Variants in SLC4A10 observed in about 807,000 individuals in gnomAD.
SLC4A10 encodes sodium-driven chloride bicarbonate exchanger.
In SLC4A10, 42 loss-of-function variants were observed where a neutral mutation model predicts 137.7. The observed-to-expected ratio is 0.30, with a 90% confidence interval of 0.24 to 0.39. SLC4A10 has a LOEUF of 0.39. Among genes scored for constraint, SLC4A10 ranks in the 10% least tolerant of loss-of-function variants. SLC4A10 has a pLI of 1.00. For synonymous variants in SLC4A10, 474 were observed against 464.1 expected (o/e 1.02, Z -0.27); for missense variants, 925 against 1,355.0 (o/e 0.68, Z 4.98).
At chr2:161,815,961 G>T (rs2057018964) in intron 3 of SLC4A10, among the ~76,000 whole-genome samples, 1 of 152,058 alleles carries the variant, frequency 6.6e-6, no homozygotes, top group Admixed American at 6.6e-5. Flanking sequence ...CAAATGTTTG[G>T]CACTTGGTGG....
At chr2:161,836,401 G>A (rs966538056) in intron 3 of SLC4A10, among the ~76,000 whole-genome samples, 1 of 152,022 alleles carries the variant, frequency 6.6e-6, no homozygotes, top group Non-Finnish European at 1.5e-5. Flanking sequence ...GGGAGGCTGA[G>A]GCAGGAGAAT....
At chr2:161,895,417 G>T (rs1187839235) in intron 11 of SLC4A10, among the ~76,000 whole-genome samples, 1 of 151,910 alleles carries the variant, frequency 6.6e-6, no homozygotes, top group Non-Finnish European at 1.5e-5. Context: ...TAGTCCTTTG[G>T]GTATATACCC....
At chr2:161,889,370 T>G (rs1311953404) in intron 10 of SLC4A10, among the ~76,000 whole-genome samples, 1 of 152,144 alleles carries the variant, frequency 6.6e-6, no homozygotes, top group Non-Finnish European at 1.5e-5. Flanking sequence ...CCAGCTCCTC[T>G]TTGTACCTCT....
chr2:161,834,886 G>A (rs2058666818), intron 3 of SLC4A10, among the ~76,000 whole-genome samples: 1 of 152,080 alleles, frequency 6.6e-6, no homozygotes. Context: ...ACTGAACTGA[G>A]AACCCCAAGG....
At chr2:161,932,544 G>C (rs1014243779) in intron 15 of SLC4A10, among the ~76,000 whole-genome samples, 13 of 152,108 alleles carry the variant, frequency 8.5e-5, no homozygotes, top group Non-Finnish European at 1.3e-4. Context: ...CATTAAGTAT[G>C]AAAGGTTATT....
chr2:161,760,877 T>C (rs563334167), intron 1 of SLC4A10, among the ~76,000 whole-genome samples: 2 of 151,948 alleles, frequency 1.3e-5, no homozygotes, highest in South Asian at 4.2e-4. Context: ...ATAAAGAGAA[T>C]GTGGTATATA....
intron 5 of SLC4A10, among the ~76,000 whole-genome samples, chr2:161,859,296 C>CT (rs1553597581): frequency 1.1e-3 from 163 of 142,652 alleles, no homozygotes; most frequent in African/African-American, 3.0e-3. Flanking sequence ...CTTTTCTTTT[C>CT]TTTTTTTTTT....
chr2:161,977,771 C>A lies in SLC4A10; in HGVS notation c.*26+11C>A. 6.3e-7 allele frequency: 1 copy of A among 1,580,358 alleles called. No individual in the cohort carries two copies. The highest frequency in any genetic ancestry group is 1.2e-5 in the South Asian group (1 of 83,808). Reference sequence around the variant, plus strand: ...GCTGATTCCCCAAAGGTAAGACCCTCTCCCTCAAATCTATTCCTTGGTTGC... The same window carrying A: ...GCTGATTCCCCAAAGGTAAGACCCTATCCCTCAAATCTATTCCTTGGTTGC... On this transcript the variant is annotated intron_variant, in intron 26 of 26. Coordinates refer to ENST00000446997, the MANE Select transcript of SLC4A10 (RefSeq NM_001178015.2).
chr2:161,679,726 A>G (rs2105844513), intron 1 of SLC4A10, among the ~76,000 whole-genome samples: 1 of 147,150 alleles, frequency 6.8e-6, no homozygotes, highest in East Asian at 2.0e-4. Flanking sequence ...TGTGTAGTAT[A>G]TCAAAACTGC....
intron 22 of SLC4A10, among the ~76,000 whole-genome samples, chr2:161,964,615 T>C (rs1697269160): frequency 6.6e-6 from 1 of 152,148 alleles, no homozygotes; most frequent in Non-Finnish European, 1.5e-5. Flanking sequence ...AAAATTAGGA[T>C]TTTTAAAATA....
At position 161,949,243 on chromosome 2, in the gene SLC4A10, A is replaced by C; in HGVS notation, c.2361A>C (p.Gln787His). 6.2e-7 allele frequency: 1 copy of C among 1,609,602 alleles called. No individual in the cohort carries two copies. The highest frequency in any genetic ancestry group is 1.1e-5 in the South Asian group (1 of 90,844). Residue 787 changes from glutamine (Q) to histidine (H), a missense_variant, in exon 18 of 27, where the codon CAA (glutamine) becomes CAC (histidine). By Grantham distance (24) the Gln-to-His change is conservative. This residue lies in a region of SLC4A10 where 82 missense variants were observed against 151.4 expected (regional missense o/e 0.54). Transcript: ENST00000446997. ...YAIGIPSPKL[Q>H]VPSVFKPTRD... Reference sequence around the variant, plus strand: ...TTGGGATCCCATCTCCAAAACTACAAGTACCAAGTGTTTTCAAGGTACTTA... The same window carrying C: ...TTGGGATCCCATCTCCAAAACTACACGTACCAAGTGTTTTCAAGGTACTTA...
In SLC4A10 at chr2:161,816,523, C is replaced by T. The variant is rs149695780; in HGVS notation, c.277+11928C>T. 3.1e-3 allele frequency among the ~76,000 whole-genome samples: 472 copies of T among 152,050 alleles called. 2 individuals are homozygous for T. The highest frequency in any genetic ancestry group is 4.4e-3 in the Non-Finnish European group (300 of 67,990). ...CTTTAAGTTTTAGGGTACATGTGGA[C>T]AACGTGCAGGTTTCTTACATACGTA... On this transcript the variant is annotated intron_variant, in intron 3 of 26. Coordinates refer to ENST00000446997, the MANE Select transcript of SLC4A10 (RefSeq NM_001178015.2).
At chr2:161,949,312 T>C in intron 18 of SLC4A10, 51 bp downstream of exon 18, 1 of 1,182,042 alleles carries the variant, frequency 8.5e-7, no homozygotes, top group Non-Finnish European at 1.3e-6. Flanking sequence ...TAATCTTCAT[T>C]TAGATGATAC....
At chr2:161,934,317 C>T (rs935724450) in intron 15 of SLC4A10, among the ~76,000 whole-genome samples, 2 of 152,176 alleles carry the variant, frequency 1.3e-5, no homozygotes, top group Non-Finnish European at 2.9e-5. Flanking sequence ...GCCCACCCCT[C>T]ATTACCCTTC....
chr2:161,916,332 C>G (rs1490261935), intron 15 of SLC4A10, among the ~76,000 whole-genome samples: 1 of 152,152 alleles, frequency 6.6e-6, no homozygotes, highest in Non-Finnish European at 1.5e-5. Flanking sequence ...TTCCCTTTTT[C>G]ACACATCCAG....
At chr2:161,772,215 A>G (rs1401408997) in intron 2 of SLC4A10, among the ~76,000 whole-genome samples, 1 of 151,908 alleles carries the variant, frequency 6.6e-6, no homozygotes. Flanking sequence ...TGAAAAATCT[A>G]GACTGGTAAT....
At chr2:161,830,518 C>A (rs1361279915) in intron 3 of SLC4A10, among the ~76,000 whole-genome samples, 1 of 149,210 alleles carries the variant, frequency 6.7e-6, no homozygotes, top group African/African-American at 2.5e-5. Flanking sequence ...CAGAATAAGA[C>A]TGGAAACTTT....
chr2:161,714,540 C>T (rs1455866577), intron 1 of SLC4A10, among the ~76,000 whole-genome samples: 1 of 151,852 alleles, frequency 6.6e-6, no homozygotes, highest in Non-Finnish European at 1.5e-5. Flanking sequence ...AGACTGGTTC[C>T]AGTGAAGCAT....
chr2:161,770,323 C>T (rs1574876591), intron 1 of SLC4A10, among the ~76,000 whole-genome samples: 1 of 151,778 alleles, frequency 6.6e-6, no homozygotes, highest in African/African-American at 2.4e-5. Flanking sequence ...TTATTTTGAG[C>T]ATGTGTTTAG....
Sources: allele counts gnomAD v4.1 joint callset (sites outside exome capture counted in the v4.1 genomes callset), GRCh38; gene constraint gnomAD v4.1.1; regional missense constraint gnomAD v4.1.1; transcripts MANE v1.5; gene names NCBI Gene and HGNC (gene_info 2026-07-23, HGNC 2026-07-21).